Variants in UBE2Q2 observed in about 807,000 individuals in gnomAD.
The protein encoded by UBE2Q2 is ubiquitin conjugating enzyme E2 Q2, also known as ubiquitin-conjugating enzyme E2 Q2.
A neutral mutation model predicts 59.9 loss-of-function variants in UBE2Q2; 54 were observed. The observed-to-expected ratio is 0.90, with a 90% CI of 0.72 to 1.13. UBE2Q2 has a LOEUF of 1.13. Ranked by LOEUF, UBE2Q2 falls within the 50% of genes most tolerant of loss-of-function variation. UBE2Q2 has a pLI of 0.00. For missense variants in UBE2Q2, 433 were observed against 441.9 expected (o/e 0.98, Z 0.18); for synonymous variants, 165 against 155.2 (o/e 1.06, Z -0.47).
At chr15:75,855,550 AATC>A (rs1193824070) in intron 2 of UBE2Q2, among the ~76,000 whole-genome samples, 2 of 152,138 alleles carry the variant, frequency 1.3e-5, no homozygotes, top group Non-Finnish European at 2.9e-5. Flanking sequence ...ATAGAAAAAT[AATC>A]ATCATTATTT....
intron 1 of UBE2Q2, among the ~76,000 whole-genome samples, chr15:75,853,463 T>C (rs1896738877): frequency 6.6e-6 from 1 of 151,596 alleles, no homozygotes; most frequent in Non-Finnish European, 1.5e-5. Context: ...AGCAAGACTC[T>C]GTCTCGAGGA....
chr15:75,879,051 A>G, intron 7 of UBE2Q2, 47 bp from the exon 8 acceptor site: 1 of 1,419,268 alleles, frequency 7.0e-7, no homozygotes, highest in Non-Finnish European at 9.5e-7. Context: ...TAAAAAAAAA[A>G]ATCTCTAACT....
intron 11 of UBE2Q2, among the ~76,000 whole-genome samples, chr15:75,896,081 A>T (rs957913878): frequency 6.6e-6 from 1 of 152,216 alleles, no homozygotes; most frequent in African/African-American, 2.4e-5. Flanking sequence ...TAGACAAGAA[A>T]AGGGGCAGAC....
At chr15:75,862,585 G>A (rs1448062976) in intron 3 of UBE2Q2, among the ~76,000 whole-genome samples, 1 of 151,488 alleles carries the variant, frequency 6.6e-6, no homozygotes, top group Non-Finnish European at 1.5e-5. Flanking sequence ...GGGAGGCTGA[G>A]GTGGGAGGAT....
At chr15:75,845,382 AGG>A (rs1033314910) in intron 1 of UBE2Q2, among the ~76,000 whole-genome samples, 6 of 152,210 alleles carry the variant, frequency 3.9e-5, no homozygotes, top group Non-Finnish European at 8.8e-5. Context: ...AGGCTGGAGA[AGG>A]GGAGGATTTT....
At position 75,899,571 on chromosome 15, in the gene UBE2Q2, T is replaced by C. The variant is rs780089554; in HGVS notation, c.*113T>C. ...CAGCAGTACCGAAGATGTTAGTTAA[T>C]AGATATTTTAGTGGATAATCTGTCA... On this transcript the variant is annotated 3_prime_UTR_variant, in exon 13 of 13. Transcript: ENST00000267938. 6 of 796,204 alleles carry C rather than the reference T, an allele frequency of 7.5e-6. No homozygotes were observed. The highest frequency in any genetic ancestry group is 1.2e-5 in the Non-Finnish European group (6 of 511,214). 49.3% of individuals were successfully genotyped at this position (796,204 alleles called of 1,614,324 possible).
intron 9 of UBE2Q2, among the ~76,000 whole-genome samples, chr15:75,885,999 G>A (rs1416412693): frequency 6.9e-6 from 1 of 144,576 alleles, no homozygotes; most frequent in African/African-American, 2.6e-5. Context: ...CCTTTCTCTT[G>A]CTGACACCAC....
In UBE2Q2 at chr15:75,890,937, T is replaced by G. The variant is rs974925446; in HGVS notation, c.952T>G (p.Ser318Ala). Residue 318 changes from serine to alanine, a missense_variant, in exon 11 of 13, where the codon TCA becomes GCA. Coordinates refer to ENST00000267938, the MANE Select transcript of UBE2Q2 (RefSeq NM_173469.4). ...TCTGTAGGGCTGGAGCAGTGCCTAC[T>G]CAATAGAATCGGTCATCATGCAAAT... ...LTKQGWSSAY[S>A]IESVIMQINA... 5.6e-6 allele frequency: 9 copies of G among 1,612,974 alleles called. No individual in the cohort carries two copies. In the South Asian group the frequency reaches 8.8e-5, roughly 16 times the overall value.
At chr15:75,898,019 G>C (rs1357151963) in intron 12 of UBE2Q2, among the ~76,000 whole-genome samples, 5 of 152,026 alleles carry the variant, frequency 3.3e-5, no homozygotes, top group Non-Finnish European at 5.9e-5. Context: ...ACAAGGCCAG[G>C]TTTTCATAAT....
At position 75,899,615 on chromosome 15, in the gene UBE2Q2, T is replaced by TCA. The variant is rs1899646512; in HGVS notation, c.*157_*158insCA. Reference sequence around the variant, plus strand: ...TCTGTCATCTGACATCCAGTATAAGTTACAGCCTTTGCATTTTGCTCATTT... The same window carrying TCA: ...TCTGTCATCTGACATCCAGTATAAGTCATACAGCCTTTGCATTTTGCTCATTT... On this transcript the variant is annotated 3_prime_UTR_variant, in exon 13 of 13. Coordinates refer to ENST00000267938, the MANE Select transcript of UBE2Q2 (RefSeq NM_173469.4). The TCA allele has an allele frequency of 1.8e-6, 1 of 564,826 alleles. No homozygotes were observed. The highest frequency in any genetic ancestry group is 2.0e-5 in the African/African-American group (1 of 50,666). 35.0% of individuals were successfully genotyped at this position (564,826 alleles called of 1,614,324 possible). A position where few individuals can be genotyped will look rare whatever the true frequency, so the allele number is the denominator to read the frequency against.
In UBE2Q2 at chr15:75,846,260, C is replaced by T. The variant is rs145899423; in HGVS notation, c.180+2414C>T. Among the ~76,000 whole-genome samples, 651 of 152,160 alleles carry T rather than the reference C, an allele frequency of 4.3e-3. 5 individuals are homozygous for T. The highest frequency in any genetic ancestry group is 0.015 in the African/African-American group (611 of 41,526). ...TATTTTTTATTATTATTTTTTGAGACGGAGTCTCGCTGTGTCGTCCCAGCT... is the reference window on the plus strand; with the variant it reads ...TATTTTTTATTATTATTTTTTGAGATGGAGTCTCGCTGTGTCGTCCCAGCT... On this transcript the variant is annotated intron_variant, in intron 1 of 12. Transcript: ENST00000267938.
chr15:75,880,159 C>G (rs1898324555), intron 8 of UBE2Q2, among the ~76,000 whole-genome samples: 2 of 152,218 alleles, frequency 1.3e-5, no homozygotes, highest in South Asian at 4.1e-4. Context: ...GTTGCCCAGG[C>G]TGGAGTTCAG....
intron 2 of UBE2Q2, among the ~76,000 whole-genome samples, chr15:75,857,947 A>G (rs1897002960): frequency 6.6e-6 from 1 of 152,176 alleles, no homozygotes; most frequent in Non-Finnish European, 1.5e-5. Flanking sequence ...CAATAGTAGA[A>G]CACAATTAAG....
intron 6 of UBE2Q2, among the ~76,000 whole-genome samples, chr15:75,877,144 A>T (rs1472230180): frequency 8.5e-6 from 1 of 117,308 alleles, no homozygotes; most frequent in African/African-American, 3.3e-5. Context: ...CTGGGCAGCA[A>T]GAGTGAGACT....
At chr15:75,846,231 C>A (rs992450968) in intron 1 of UBE2Q2, among the ~76,000 whole-genome samples, 3 of 152,084 alleles carry the variant, frequency 2.0e-5, no homozygotes, top group Non-Finnish European at 2.9e-5. Flanking sequence ...GTAAAAGACT[C>A]TTTTATTTTT....
intron 11 of UBE2Q2, among the ~76,000 whole-genome samples, chr15:75,894,622 T>C (rs917348320): frequency 6.6e-6 from 1 of 151,886 alleles, no homozygotes. Flanking sequence ...GGGAAATTAT[T>C]AAAGATATAC....
At chr15:75,887,491 C>T (rs976939767) in intron 9 of UBE2Q2, among the ~76,000 whole-genome samples, 1 of 151,696 alleles carries the variant, frequency 6.6e-6, no homozygotes. Context: ...GGGTAGGACT[C>T]ATGTAGAAGA....
intron 1 of UBE2Q2, among the ~76,000 whole-genome samples, chr15:75,844,776 A>G (rs531550698): frequency 2.0e-5 from 3 of 152,270 alleles, no homozygotes; most frequent in Admixed American, 6.5e-5. Flanking sequence ...CTTGGTTATA[A>G]TAGGCGTCAA....
At chr15:75,895,502 G>C (rs544446163) in intron 11 of UBE2Q2, among the ~76,000 whole-genome samples, 104 of 151,964 alleles carry the variant, frequency 6.8e-4, no homozygotes, top group Non-Finnish European at 2.4e-4. Flanking sequence ...ATTTTAAAGA[G>C]CTCTTAGATG....
Sources: allele counts gnomAD v4.1 joint callset (sites outside exome capture counted in the v4.1 genomes callset), GRCh38; gene constraint gnomAD v4.1.1; transcripts MANE v1.5; gene names NCBI Gene and HGNC (gene_info 2026-07-23, HGNC 2026-07-21).